Variants in SLIT2 observed in about 807,000 individuals in gnomAD.
SLIT2 encodes slit homolog 2 protein.
In SLIT2, 41 loss-of-function variants were observed where a neutral mutation model predicts 185.7. That is an observed-to-expected ratio of 0.22 (90% confidence interval 0.17 to 0.29). The LOEUF (loss-of-function observed/expected upper bound fraction) is 0.29, where lower values mean the gene tolerates loss of function less well. Ranked by LOEUF, SLIT2 falls within the 10% of genes least tolerant of loss-of-function variation. SLIT2 has a pLI of 1.00. For synonymous variants in SLIT2, 693 were observed against 680.2 expected (o/e 1.02, Z -0.29); for missense variants, 1,571 against 1,909.0 (o/e 0.82, Z 3.30).
chr4:20,416,939 A>G (rs994694679), intron 4 of SLIT2, among the ~76,000 whole-genome samples: 4 of 149,094 alleles, frequency 2.7e-5, no homozygotes, highest in African/African-American at 1.0e-4. Context: ...CTCCATGCCA[A>G]TTTTTTAAAA....
chr4:20,403,699 G>T (rs752396630), intron 4 of SLIT2, among the ~76,000 whole-genome samples: 1 of 151,874 alleles, frequency 6.6e-6, no homozygotes, highest in Admixed American at 6.6e-5. Flanking sequence ...GGCAAGAGTC[G>T]ACTGTGTTTT....
intron 4 of SLIT2, among the ~76,000 whole-genome samples, chr4:20,374,958 G>A (rs1723899477): frequency 6.6e-6 from 1 of 151,938 alleles, no homozygotes. Context: ...TAGATTTGTT[G>A]TTTAGCCTTT....
intron 4 of SLIT2, among the ~76,000 whole-genome samples, chr4:20,463,688 C>G (rs1156735919): frequency 6.7e-6 from 1 of 150,112 alleles, no homozygotes; most frequent in East Asian, 2.0e-4. Flanking sequence ...TCCTGGCTAA[C>G]AAGGCAAAAC....
rs553070054 is a variant in SLIT2, at chr4:20,379,380, A to G, written c.396-88372A>G. Among the ~76,000 whole-genome samples, 87 of 152,314 alleles carry G rather than the reference A, an allele frequency of 5.7e-4. No homozygotes were observed. The South Asian group carries it at 0.014, about 25-fold the overall frequency. On this transcript the variant is annotated intron_variant, in intron 4 of 36. Transcript: ENST00000504154. ...AGAAGAATACTTTACAGATGATATT[A>G]TGTACTTTATTTTATGTTACATTAG...
intron 9 of SLIT2, among the ~76,000 whole-genome samples, chr4:20,498,661 G>T (rs1462279454): frequency 1.3e-5 from 2 of 152,138 alleles, no homozygotes; most frequent in Admixed American, 1.3e-4. Flanking sequence ...GGTTTGTTGT[G>T]TTTGCTCCTA....
Position 20,548,603 on chromosome 4 carries a change from A to G in SLIT2, c.2417+44A>G. On this transcript the variant is annotated intron_variant, in intron 23 of 36. Transcript: ENST00000504154. Reference sequence around the variant, plus strand: ...TACTGAGTATTCATTAATTCAATGGACAAAAGGCAGTCTCTAGATGCTGGA... The same window carrying G: ...TACTGAGTATTCATTAATTCAATGGGCAAAAGGCAGTCTCTAGATGCTGGA... The G allele has an allele frequency of 2.6e-6, 3 of 1,136,546 alleles. No individual in the cohort carries two copies. In the East Asian group the frequency reaches 7.0e-5, roughly 27 times the overall value. The allele number at this position is 1,136,546 out of a possible 1,614,324, so 70.4% of individuals were successfully genotyped here. A position where few individuals can be genotyped will look rare whatever the true frequency, so the allele number is the denominator to read the frequency against.
intron 4 of SLIT2, among the ~76,000 whole-genome samples, chr4:20,298,198 C>G (rs1716683886): frequency 6.6e-6 from 1 of 151,802 alleles, no homozygotes; most frequent in Non-Finnish European, 1.5e-5. Context: ...AAGCCATTCT[C>G]CTGCCTCAGC....
chr4:20,424,779 G>T (rs983416671), intron 4 of SLIT2, among the ~76,000 whole-genome samples: 2 of 151,988 alleles, frequency 1.3e-5, no homozygotes, highest in Non-Finnish European at 2.9e-5. Flanking sequence ...GATTTACCAG[G>T]TGTTCATTAC....
At chr4:20,353,586 C>T (rs1010873990) in intron 4 of SLIT2, among the ~76,000 whole-genome samples, 6 of 152,016 alleles carry the variant, frequency 3.9e-5, no homozygotes, top group Non-Finnish European at 8.8e-5. Flanking sequence ...TTTATTACAC[C>T]GTATTCAAAA....
chr4:20,371,368 C>A (rs1723559427), intron 4 of SLIT2, among the ~76,000 whole-genome samples: 1 of 152,084 alleles, frequency 6.6e-6, no homozygotes, highest in Admixed American at 6.6e-5. Context: ...CACATTCACA[C>A]ACACTTTTGA....
intron 30 of SLIT2, among the ~76,000 whole-genome samples, chr4:20,595,260 T>C (rs1727881074): frequency 6.6e-6 from 1 of 152,230 alleles, no homozygotes. Flanking sequence ...AAAATGTTAA[T>C]CTTTTTTTAA....
At chr4:20,381,923 A>G (rs990782082) in intron 4 of SLIT2, among the ~76,000 whole-genome samples, 3 of 151,964 alleles carry the variant, frequency 2.0e-5, no homozygotes, top group African/African-American at 4.8e-5. Flanking sequence ...TTGTATAAAT[A>G]CATATGTATT....
chr4:20,497,065 A>ATTTTTTT (rs36102199), intron 9 of SLIT2, among the ~76,000 whole-genome samples: 1 of 148,616 alleles, frequency 6.7e-6, no homozygotes. Flanking sequence ...TATTTCTGAG[A>ATTTTTTT]TTTTTTTTTT....
intron 2 of SLIT2, among the ~76,000 whole-genome samples, 190 bp from the exon 3 acceptor site, chr4:20,257,678 G>A (rs1373856026): frequency 6.6e-6 from 1 of 151,896 alleles, no homozygotes; most frequent in Admixed American, 6.5e-5. Context: ...GTTTTGTGAT[G>A]CAGACACTGC....
chr4:20,484,626 C>G lies in SLIT2; in HGVS notation c.540-1574C>G, dbSNP rs1717030127. Among the ~76,000 whole-genome samples, 1 of 152,144 alleles carries G rather than the reference C, an allele frequency of 6.6e-6. No homozygotes were observed. Among genetic ancestry groups the G allele is most frequent in the Admixed American group, 6.5e-5 (1 of 15,272 alleles). On this transcript the variant is annotated intron_variant, in intron 6 of 36. Transcript: ENST00000504154. This position sits in a 1 kb window ranked among gnomAD's most constrained non-coding sequence, Gnocchi z 4.3. ...CTGAACGCACCATCAATAACCGCAGCCACCAACTGGCCCAGAGTGGCCTCA... is the reference window on the plus strand; with the variant it reads ...CTGAACGCACCATCAATAACCGCAGGCACCAACTGGCCCAGAGTGGCCTCA...
chr4:20,410,415 A>ATT (rs373208655), intron 4 of SLIT2, among the ~76,000 whole-genome samples: 14 of 141,306 alleles, frequency 9.9e-5, no homozygotes, highest in East Asian at 8.3e-4. Flanking sequence ...TGCCCAGCTA[A>ATT]TTTTTTTTTT....
chr4:20,303,490 A>G (rs1717250780), intron 4 of SLIT2, among the ~76,000 whole-genome samples: 1 of 152,150 alleles, frequency 6.6e-6, no homozygotes, highest in Admixed American at 6.6e-5. Flanking sequence ...CATATATGAA[A>G]GACAGTACAT....
At chr4:20,509,943 T>A (rs1452770275) in intron 9 of SLIT2, among the ~76,000 whole-genome samples, 1 of 152,206 alleles carries the variant, frequency 6.6e-6, no homozygotes, top group African/African-American at 2.4e-5. Context: ...ACTGAAAATA[T>A]CTGTAGCATA....
chr4:20,355,922 A>G (rs1722283705), intron 4 of SLIT2, among the ~76,000 whole-genome samples: 1 of 152,078 alleles, frequency 6.6e-6, no homozygotes, highest in Admixed American at 6.6e-5. Flanking sequence ...CAATTTATAA[A>G]TCTGATGCAT....
Sources: allele counts gnomAD v4.1 joint callset (sites outside exome capture counted in the v4.1 genomes callset), GRCh38; gene constraint gnomAD v4.1.1; non-coding constraint Gnocchi (gnomAD v3.1); transcripts MANE v1.5; gene names NCBI Gene and HGNC (gene_info 2026-07-23, HGNC 2026-07-21).